Variants in NMT2 observed in about 807,000 individuals in gnomAD.
The protein encoded by NMT2 is glycylpeptide N-tetradecanoyltransferase 2.
In NMT2, 35 loss-of-function variants were observed where a neutral mutation model predicts 65.4. The observed-to-expected ratio is 0.54, with a 90% CI of 0.41 to 0.71. NMT2 has a LOEUF of 0.71. NMT2 is among the 30% of genes least tolerant of loss of function. The pLI, the probability that NMT2 is intolerant of heterozygous loss-of-function variation, is 0.00. For missense variants in NMT2, 489 were observed against 611.3 expected, an observed-to-expected ratio of 0.80 and a Z score of 2.11; for synonymous variants, 226 against 231.8, an observed-to-expected ratio of 0.98 and a Z score of 0.23.
intron 1 of NMT2, among the ~76,000 whole-genome samples, chr10:15,159,448 G>A (rs958844938): frequency 9.3e-5 from 13 of 139,624 alleles, no homozygotes; most frequent in African/African-American, 2.5e-4. Context: ...TCTCACTGTC[G>A]CCCAGGCTCA....
intron 10 of NMT2, 110 bp downstream of exon 10, chr10:15,112,686 A>C (rs987818690): frequency 3.8e-6 from 4 of 1,047,408 alleles, no homozygotes; most frequent in Non-Finnish European, 5.3e-6. Context: ...GTTTTTTTAA[A>C]GTCTCGCATA....
intron 9 of NMT2, 140 bp from the exon 10 acceptor site, chr10:15,113,103 C>T (rs1046510106): frequency 2.4e-6 from 2 of 847,890 alleles, no homozygotes; most frequent in Admixed American, 2.5e-5. Flanking sequence ...CAATTTGGGG[C>T]CCCTTATATT....
intron 8 of NMT2, among the ~76,000 whole-genome samples, chr10:15,123,522 C>G: frequency 8.3e-6 from 1 of 121,004 alleles, no homozygotes; most frequent in Non-Finnish European, 1.6e-5. Flanking sequence ...AGCGAGACTT[C>G]GTCTCACAGA....
At chr10:15,112,206 ATATATATATATTTTTTTTTTTTTTTTTTT>A (rs1845568842) in intron 10 of NMT2, among the ~76,000 whole-genome samples, 2 of 17,378 alleles carry the variant, frequency 1.2e-4, no homozygotes, top group African/African-American at 6.9e-4. Flanking sequence ...ATATATATAT[ATATATATATATTTTTTTTTTTTTTTTTTT>A]TTTTTTTTTT....
chr10:15,120,576 T>C (rs1845895570), intron 8 of NMT2, among the ~76,000 whole-genome samples: 1 of 152,222 alleles, frequency 6.6e-6, no homozygotes, highest in South Asian at 2.1e-4. Context: ...TGAGGGGTCC[T>C]AGAACCAATC....
chr10:15,166,286 G>A (rs969928613), intron 1 of NMT2, among the ~76,000 whole-genome samples: 4 of 152,172 alleles, frequency 2.6e-5, no homozygotes, highest in Admixed American at 2.0e-4. Flanking sequence ...GCCGCTGCCT[G>A]GTGGCCTCAA....
At chr10:15,137,028 A>C (rs2131561388) in intron 2 of NMT2, among the ~76,000 whole-genome samples, 1 of 152,318 alleles carries the variant, frequency 6.6e-6, no homozygotes, top group African/African-American at 2.4e-5. Flanking sequence ...TAGAAGTTTC[A>C]AGAGCCCTTC....
Position 15,108,999 on chromosome 10 carries a change from TA to T in NMT2, c.*195del. On this transcript the variant is annotated 3_prime_UTR_variant, in exon 12 of 12. Transcript: ENST00000378165. ...ATCCCTCCCACAAATAGGTCAACAG[TA>T]AAAAAAGGATGAAGTTTAACATTCT... The T allele has an allele frequency of 8.8e-6, 12 of 1,363,582 alleles. No homozygotes were observed. The highest frequency in any genetic ancestry group is 1.6e-5 in the South Asian group (1 of 61,160). The allele number at this position is 1,363,582 out of a possible 1,614,324, so 84.5% of individuals were successfully genotyped here. A position where few individuals can be genotyped will look rare whatever the true frequency, so the allele number is the denominator to read the frequency against.
At chr10:15,127,415 C>T (rs1419013095) in intron 8 of NMT2, among the ~76,000 whole-genome samples, 2 of 149,440 alleles carry the variant, frequency 1.3e-5, no homozygotes, top group African/African-American at 2.5e-5. Context: ...GGCATGCTGG[C>T]GGGCGCCTAT....
chr10:15,126,223 G>A (rs1159122888), intron 8 of NMT2, among the ~76,000 whole-genome samples: 6 of 151,564 alleles, frequency 4.0e-5, no homozygotes, highest in African/African-American at 1.5e-4. Context: ...GAGGTCAGGA[G>A]TTCGAGACCA....
rs138601527 is a variant in NMT2, at chr10:15,113,087, G to A, written c.1171-124C>T. The stretch of plus-strand genomic sequence containing the variant: ...AGCAGTAAGTCACACTTCTTTCTCG[G>A]CAGTCCAATTTGGGGCCCCTTATAT... On this transcript the variant is annotated intron_variant, in intron 9 of 11. Coordinates refer to ENST00000378165, the MANE Select transcript of NMT2 (RefSeq NM_004808.3). 1,678 of 1,054,314 alleles carry A rather than the reference G, an allele frequency of 1.6e-3. 26 individuals carry two copies. The African/African-American group carries it at 0.025, about 15-fold the overall frequency. 65.3% of individuals were successfully genotyped at this position (1,054,314 alleles called of 1,614,324 possible). A position where few individuals can be genotyped will look rare whatever the true frequency, so the allele number is the denominator to read the frequency against.
At chr10:15,111,378 G>T (rs111758350) in intron 10 of NMT2, among the ~76,000 whole-genome samples, 9,514 of 151,356 alleles carry the variant, frequency 0.063, 327 homozygotes, top group East Asian at 0.095. Flanking sequence ...AGGTGTGGTG[G>T]CACACACCTA....
intron 1 of NMT2, among the ~76,000 whole-genome samples, chr10:15,166,242 A>G (rs1312130196): frequency 6.6e-6 from 1 of 152,238 alleles, no homozygotes; most frequent in East Asian, 1.9e-4. Flanking sequence ...TCAGGCCACA[A>G]GGGCACTATT....
Position 15,127,167 on chromosome 10 carries a change from G to A in NMT2, c.999+1183C>T, listed in dbSNP as rs370176887. 1.2e-4 allele frequency among the ~76,000 whole-genome samples: 18 copies of A among 151,808 alleles called. 1 individual carries two copies. Among genetic ancestry groups the A allele is most frequent in the African/African-American group, 2.7e-4 (11 of 41,362 alleles). ...GGAGAACTGTTTGAACCCGGGAGGC[G>A]GAGGTTGCAGTGAGCCAACATCCAG... On this transcript the variant is annotated intron_variant, in intron 8 of 11. Coordinates refer to ENST00000378165, the MANE Select transcript of NMT2 (RefSeq NM_004808.3).
At chr10:15,137,417 A>T (rs1425210618) in intron 2 of NMT2, among the ~76,000 whole-genome samples, 1 of 152,102 alleles carries the variant, frequency 6.6e-6, no homozygotes, top group Non-Finnish European at 1.5e-5. Context: ...AATTTAACAA[A>T]ATACTTTTCC....
At chr10:15,131,295 C>T (rs557669998) in intron 6 of NMT2, among the ~76,000 whole-genome samples, 2 of 151,382 alleles carry the variant, frequency 1.3e-5, no homozygotes, top group East Asian at 3.9e-4. Flanking sequence ...TCAGCTATGG[C>T]TCTTTACGTT....
At chr10:15,160,407 T>C (rs919755562) in intron 1 of NMT2, among the ~76,000 whole-genome samples, 1 of 152,114 alleles carries the variant, frequency 6.6e-6, no homozygotes, top group African/African-American at 2.4e-5. Context: ...TGGGTGTGCC[T>C]GAGGACCATG....
chr10:15,131,916 A>C (rs1420894485), intron 6 of NMT2, among the ~76,000 whole-genome samples: 1 of 151,914 alleles, frequency 6.6e-6, no homozygotes, highest in Non-Finnish European at 1.5e-5. Context: ...CCCATGCTGG[A>C]GTGCAGTGGT....
Position 15,108,307 on chromosome 10 carries a change from C to T in NMT2, c.*888G>A, listed in dbSNP as rs958843029. On this transcript the variant is annotated 3_prime_UTR_variant, in exon 12 of 12. Coordinates refer to ENST00000378165, the MANE Select transcript of NMT2 (RefSeq NM_004808.3). ...GTTCAAGCGATTCTCCTGCCTCAGC[C>T]TCCCAAGCAGCTGGGACTACAGGCA... 17 of 617,288 alleles carry T rather than the reference C, an allele frequency of 2.8e-5. No individual in the cohort carries two copies. The African/African-American group carries it at 3.4e-4, about 12-fold the overall frequency. The allele number at this position is 617,288 out of a possible 1,614,324, so 38.2% of individuals were successfully genotyped here.
Sources: gnomAD v4.1 joint callset for allele counts (sites outside exome capture counted in the v4.1 genomes callset) on GRCh38, gnomAD v4.1.1 for gene constraint, MANE v1.5 for transcripts, NCBI Gene and HGNC (gene_info 2026-07-23, HGNC 2026-07-21) for gene names.